The following MARCHF8 variants were observed in gnomAD, a reference collection of about 807,000 sequenced individuals.
MARCHF8 encodes E3 ubiquitin-protein ligase MARCHF8.
In MARCHF8, 40 loss-of-function variants were observed where a neutral mutation model predicts 51.6. The ratio of observed to expected loss-of-function variants is 0.77; its 90% confidence interval spans 0.60 to 1.01. The LOEUF is 1.01. MARCHF8 is among the 50% of genes least tolerant of loss of function. MARCHF8 has a pLI of 0.00. For missense variants in MARCHF8, 685 were observed against 708.6 expected (o/e 0.97, Z 0.38); for synonymous variants, 263 against 280.3 (o/e 0.94, Z 0.62).
At chr10:45,486,024 T>G (rs779179539) in intron 3 of MARCHF8, among the ~76,000 whole-genome samples, 1 of 152,240 alleles carries the variant, frequency 6.6e-6, no homozygotes, top group Non-Finnish European at 1.5e-5. Flanking sequence ...GGGCCTGCCC[T>G]CCCTTCCTTG....
chr10:45,534,947 A>C (rs184994074), intron 1 of MARCHF8, among the ~76,000 whole-genome samples: 2 of 152,338 alleles, frequency 1.3e-5, no homozygotes, highest in East Asian at 3.9e-4. Context: ...AGGAACAAAA[A>C]CTGGGAGGGA....
intron 1 of MARCHF8, among the ~76,000 whole-genome samples, chr10:45,568,365 G>T (rs2044388554): frequency 6.6e-6 from 1 of 152,118 alleles, no homozygotes; most frequent in Non-Finnish European, 1.5e-5. Context: ...TGGAGCAAGG[G>T]TGTCCAATTT....
Position 45,456,206 on chromosome 10 carries a change from G to C in MARCHF8, c.*2033C>G, listed in dbSNP as rs1324981323. Reference sequence around the variant, plus strand: ...CTGACCTGGGATTCAGCTCCCCTGAGTGGACAGTCTGTGGTTGCCTGGGGT... The same window carrying C: ...CTGACCTGGGATTCAGCTCCCCTGACTGGACAGTCTGTGGTTGCCTGGGGT... On this transcript the variant is annotated 3_prime_UTR_variant, in exon 8 of 8. Coordinates refer to ENST00000453424, the MANE Select transcript of MARCHF8 (RefSeq NM_001282866.2). 2 of 152,406 alleles carry C rather than the reference G, an allele frequency of 1.3e-5. No homozygotes were observed. Among genetic ancestry groups the C allele is most frequent in the Non-Finnish European group, 2.9e-5 (2 of 68,188 alleles). 9.4% of individuals were successfully genotyped at this position (152,406 alleles called of 1,614,324 possible). A position where few individuals can be genotyped will look rare whatever the true frequency, so the allele number is the denominator to read the frequency against.
intron 2 of MARCHF8, among the ~76,000 whole-genome samples, chr10:45,530,982 G>A (rs549646312): frequency 6.6e-6 from 1 of 152,202 alleles, no homozygotes; most frequent in African/African-American, 2.4e-5. Flanking sequence ...GATAAAACAT[G>A]TCTGAGATGA....
At chr10:45,523,715 C>T (rs2043746772) in intron 2 of MARCHF8, among the ~76,000 whole-genome samples, 1 of 152,134 alleles carries the variant, frequency 6.6e-6, no homozygotes, top group African/African-American at 2.4e-5. Context: ...CCTAGACAAA[C>T]GTATTCATAC....
chr10:45,562,649 T>TAA (rs146717195), intron 1 of MARCHF8, among the ~76,000 whole-genome samples: 33 of 151,486 alleles, frequency 2.2e-4, no homozygotes, highest in South Asian at 1.7e-3. Context: ...TTATTTTTTT[T>TAA]AAAAAAAAGA....
chr10:45,526,984 T>C lies in MARCHF8; in HGVS notation c.102+6126A>G, dbSNP rs1237615807. 2.0e-5 allele frequency among the ~76,000 whole-genome samples: 3 copies of C among 152,104 alleles called. No homozygotes were observed. In the East Asian group the frequency reaches 5.8e-4, roughly 29 times the overall value. On this transcript the variant is annotated intron_variant, in intron 2 of 7. Coordinates refer to ENST00000453424, the MANE Select transcript of MARCHF8 (RefSeq NM_001282866.2). ...ATTCCAAGAAGGACTCTCAAATCTA[T>C]ACAAATACATGGAAATTAACCTGCT...
chr10:45,496,454 A>G (rs2043176986), intron 2 of MARCHF8, among the ~76,000 whole-genome samples: 1 of 152,156 alleles, frequency 6.6e-6, no homozygotes, highest in African/African-American at 2.4e-5. Flanking sequence ...TACCAGAGAT[A>G]AAGAGGGACT....
At chr10:45,521,646 G>C (rs2043707915) in intron 2 of MARCHF8, among the ~76,000 whole-genome samples, 7 of 152,224 alleles carry the variant, frequency 4.6e-5, no homozygotes. Context: ...TACCTAGGAA[G>C]TGTGAGATAA....
chr10:45,568,354 T>C (rs2044388299), intron 1 of MARCHF8, among the ~76,000 whole-genome samples: 1 of 152,216 alleles, frequency 6.6e-6, no homozygotes. Flanking sequence ...ATTCCAGATC[T>C]TGGAGCAAGG....
intron 1 of MARCHF8, among the ~76,000 whole-genome samples, chr10:45,587,976 G>GA (rs1272966140): frequency 2.0e-5 from 3 of 152,126 alleles, no homozygotes; most frequent in East Asian, 3.9e-4. Context: ...ATTCATAAAG[G>GA]AAAGTAAAGA....
intron 2 of MARCHF8, among the ~76,000 whole-genome samples, chr10:45,529,229 A>G (rs34897497): frequency 0.062 from 9,394 of 152,308 alleles, 333 homozygotes; most frequent in Non-Finnish European, 0.067. Flanking sequence ...TATTCTATAC[A>G]TGATACTTGG....
rs561996766 is a variant in MARCHF8, at chr10:45,541,254, A to G, written c.-78-7965T>C. Among the ~76,000 whole-genome samples the G allele has an allele frequency of 4.4e-3, 664 of 152,252 alleles. 3 individuals are homozygous for G. Among genetic ancestry groups the G allele is most frequent in the African/African-American group, 0.015 (633 of 41,530 alleles). On this transcript the variant is annotated intron_variant, in intron 1 of 6. Coordinates refer to the MARCHF8 transcript ENST00000319836. ...ACTATGCAGCCATAAAAAAGGATGA[A>G]TTCATGTCCTTTGTAGGGACATGGA...
intron 2 of MARCHF8, among the ~76,000 whole-genome samples, chr10:45,526,406 C>T (rs189333269): frequency 6.6e-6 from 1 of 152,156 alleles, no homozygotes; most frequent in African/African-American, 2.4e-5. Flanking sequence ...GTGGGAGACC[C>T]CCTTGACCCT....
At chr10:45,525,701 T>C (rs972723370) in intron 2 of MARCHF8, among the ~76,000 whole-genome samples, 1 of 152,226 alleles carries the variant, frequency 6.6e-6, no homozygotes, top group Non-Finnish European at 1.5e-5. Context: ...TCATAAATCA[T>C]GTTGATAGTA....
chr10:45,576,692 C>G (rs775094424), intron 1 of MARCHF8, among the ~76,000 whole-genome samples: 30 of 150,722 alleles, frequency 2.0e-4, no homozygotes, highest in Non-Finnish European at 4.0e-4. Flanking sequence ...GAGGCCAAGG[C>G]AGGAGAATTG....
chr10:45,518,053 G>A (rs966368414), intron 2 of MARCHF8, among the ~76,000 whole-genome samples: 2 of 152,194 alleles, frequency 1.3e-5, no homozygotes, highest in African/African-American at 2.4e-5. Flanking sequence ...TTCTCTCAGA[G>A]ACTAGGCTTC....
intron 3 of MARCHF8, 60 bp downstream of exon 3, chr10:45,489,307 T>G (rs2043040902): frequency 7.9e-6 from 10 of 1,272,068 alleles, no homozygotes; most frequent in Non-Finnish European, 1.1e-5. Context: ...TAAACACATG[T>G]AAGGCATAAG....
At chr10:45,521,194 C>G (rs2043699680) in intron 2 of MARCHF8, among the ~76,000 whole-genome samples, 2 of 152,302 alleles carry the variant, frequency 1.3e-5, no homozygotes, top group East Asian at 3.9e-4. Flanking sequence ...TATGATATAT[C>G]TGAATCCAGA....
Sources: allele counts gnomAD v4.1 joint callset (sites outside exome capture counted in the v4.1 genomes callset), GRCh38; gene constraint gnomAD v4.1.1; transcripts MANE v1.5; gene names NCBI Gene and HGNC (gene_info 2026-07-23, HGNC 2026-07-21).